Variants in RIC8B observed in about 807,000 individuals in gnomAD.
RIC8B encodes RIC8 guanine nucleotide exchange factor B, also known as chaperone Ric-8B.
In RIC8B, 16 loss-of-function variants were observed where a neutral mutation model predicts 57.5. The ratio of observed to expected loss-of-function variants is 0.28; its 90% CI spans 0.19 to 0.42. The LOEUF is 0.42. Ranked by LOEUF, RIC8B falls within the 10% of genes least tolerant of loss-of-function variation. The pLI is 1.00. For synonymous variants in RIC8B, 216 were observed against 250.8 expected (o/e 0.86, Z 1.31); for missense variants, 481 against 677.0 (o/e 0.71, Z 3.21).
intron 6 of RIC8B, 116 bp from the exon 7 acceptor site, chr12:106,851,334 T>TTG: frequency 4.5e-6 from 2 of 441,738 alleles, no homozygotes; most frequent in Non-Finnish European, 3.7e-6. Flanking sequence ...TTTTTTTTTT[T>TTG]TTGCTCCTAC....
intron 6 of RIC8B, among the ~76,000 whole-genome samples, chr12:106,848,222 A>G (rs1018615242): frequency 6.6e-6 from 1 of 152,228 alleles, no homozygotes; most frequent in African/African-American, 2.4e-5. Flanking sequence ...AAAAGACCTG[A>G]GGCAGGAAAG....
chr12:106,886,035 C>G lies in RIC8B; in HGVS notation c.*20C>G. The G allele has an allele frequency of 4.1e-6, 6 of 1,479,314 alleles. No homozygotes were observed. The highest frequency in any genetic ancestry group is 5.7e-6 in the Non-Finnish European group (6 of 1,058,152). 91.6% of individuals were successfully genotyped at this position (1,479,314 alleles called of 1,614,324 possible). ...GACTAAAAGCATCACCTGCTCAACT[C>G]TCAATATTGCTTTATCAGCATCTTT... is the stretch of plus-strand genomic sequence containing the variant. On this transcript the variant is annotated 3_prime_UTR_variant, in exon 10 of 10. Coordinates refer to ENST00000392837, the MANE Select transcript of RIC8B (RefSeq NM_001330145.2).
chr12:106,799,327 A>G lies in RIC8B; in HGVS notation c.132+15283A>G, dbSNP rs372131056. ...CATCTTTATGATGTAATGTGCATCA[A>G]CCTCCTACTCTATGCCAAGCACTAT... On this transcript the variant is annotated intron_variant, in intron 2 of 9. Coordinates refer to ENST00000392837, the MANE Select transcript of RIC8B (RefSeq NM_001330145.2). Among the ~76,000 whole-genome samples, 35 of 152,142 alleles carry G rather than the reference A, an allele frequency of 2.3e-4. No homozygotes were observed. In the South Asian group the frequency reaches 6.0e-3, roughly 26 times the overall value.
chr12:106,870,290 T>G (rs1185763489), intron 8 of RIC8B, among the ~76,000 whole-genome samples: 1 of 152,198 alleles, frequency 6.6e-6, no homozygotes, highest in African/African-American at 2.4e-5. Flanking sequence ...TTCTTCTGCT[T>G]TATCTTTTAT....
chr12:106,874,942 T>G (rs1950597484), intron 9 of RIC8B, among the ~76,000 whole-genome samples: 3 of 152,164 alleles, frequency 2.0e-5, no homozygotes, highest in African/African-American at 7.2e-5. Context: ...CCATCATGTC[T>G]AGCTAGTACA....
At chr12:106,834,665 A>G (rs11113127) in intron 4 of RIC8B, among the ~76,000 whole-genome samples, 1 of 152,166 alleles carries the variant, frequency 6.6e-6, no homozygotes, top group East Asian at 1.9e-4. Context: ...TTTCTTTTCA[A>G]CTTTTTAGAT....
At chr12:106,835,317 T>G (rs2136381030) in intron 4 of RIC8B, among the ~76,000 whole-genome samples, 1 of 152,330 alleles carries the variant, frequency 6.6e-6, no homozygotes, top group Non-Finnish European at 1.5e-5. Flanking sequence ...TTTAGAGGCC[T>G]TATCATTTGC....
intron 2 of RIC8B, among the ~76,000 whole-genome samples, chr12:106,810,207 A>AT (rs2045274969): frequency 6.9e-6 from 1 of 144,734 alleles, no homozygotes; most frequent in Non-Finnish European, 1.5e-5. Flanking sequence ...TGCTAGGATT[A>AT]TAGGCATGAG....
chr12:106,841,521 A>G (rs144144139), intron 4 of RIC8B, among the ~76,000 whole-genome samples: 2 of 152,282 alleles, frequency 1.3e-5, no homozygotes, highest in South Asian at 2.1e-4. Context: ...AGAAGGAGCT[A>G]CTGGTCTAAA....
At chr12:106,870,468 T>C (rs752090973) in intron 8 of RIC8B, among the ~76,000 whole-genome samples, 18 of 152,290 alleles carry the variant, frequency 1.2e-4, no homozygotes, top group Admixed American at 4.6e-4. Context: ...TCATTTCTTC[T>C]TCCCTGAAAT....
chr12:106,851,315 C>CTTTTTT (rs34606963), intron 6 of RIC8B, 135 bp from the exon 7 acceptor site: 10 of 212,010 alleles, frequency 4.7e-5, no homozygotes, highest in African/African-American at 1.3e-4. Flanking sequence ...GGAAGCTAAC[C>CTTTTTT]TTTTTTTTTT....
chr12:106,842,894 A>G lies in RIC8B; in HGVS notation c.1065+77A>G, dbSNP rs540952288. 1.7e-5 allele frequency: 14 copies of G among 830,206 alleles called. No individual in the cohort carries two copies. The East Asian group carries it at 2.5e-4, about 15-fold the overall frequency. The allele number at this position is 830,206 out of a possible 1,614,324, so 51.4% of individuals were successfully genotyped here. On this transcript the variant is annotated intron_variant, in intron 5 of 9. Transcript: ENST00000392837. ...TGTGCCATACATACAGACACACATC[A>G]CAGAGCATGATTTTTAAATCTAAGC...
intron 9 of RIC8B, among the ~76,000 whole-genome samples, chr12:106,877,268 A>G (rs1339868400): frequency 6.6e-6 from 1 of 152,176 alleles, no homozygotes; most frequent in Non-Finnish European, 1.5e-5. Flanking sequence ...AATGCACCAA[A>G]GATTAAGTAA....
At chr12:106,795,299 T>C (rs2044428904) in intron 2 of RIC8B, among the ~76,000 whole-genome samples, 1 of 152,160 alleles carries the variant, frequency 6.6e-6, no homozygotes, top group African/African-American at 2.4e-5. Context: ...TACCCGTGGT[T>C]CGTCTTCTCA....
intron 8 of RIC8B, among the ~76,000 whole-genome samples, chr12:106,864,079 A>G (rs574804980): frequency 1.6e-4 from 24 of 152,266 alleles, no homozygotes; most frequent in African/African-American, 5.5e-4. Context: ...TGCAAATGTA[A>G]TGTGAAAACC....
At chr12:106,801,251 G>C (rs926662252) in intron 2 of RIC8B, among the ~76,000 whole-genome samples, 1 of 152,140 alleles carries the variant, frequency 6.6e-6, no homozygotes, top group Non-Finnish European at 1.5e-5. Context: ...AACTTTTCTT[G>C]TCAAGAAAGA....
rs2136121622 is a variant in RIC8B at position 106,774,800 on chromosome 12, G to C, written c.55G>C (p.Glu19Gln). 1 of 1,554,354 alleles carries C rather than the reference G, an allele frequency of 6.4e-7. No homozygotes were observed. The change falls in exon 1 of 10, where the codon GAG becomes CAG. Residue 19 changes from glutamate (E) to glutamine (Q), a missense_variant. By Grantham distance (29) the Glu-to-Gln change is conservative. Transcript: ENST00000392837. The stretch of plus-strand genomic sequence containing the variant: ...CCGGGCCGGCGAAGCAGGGGCTATC[G>C]AGCGGGTCCTGAGGGATTACAGCGA... ...IVRAGEAGAI[E>Q]RVLRDYSDKH...
intron 2 of RIC8B, among the ~76,000 whole-genome samples, chr12:106,786,565 A>G (rs2044037511): frequency 1.3e-5 from 2 of 152,210 alleles, no homozygotes; most frequent in Non-Finnish European, 2.9e-5. Flanking sequence ...AAAATTACAG[A>G]TACGTTTTAC....
intron 3 of RIC8B, among the ~76,000 whole-genome samples, chr12:106,818,456 G>T (rs981088389): frequency 1.3e-5 from 2 of 151,704 alleles, no homozygotes; most frequent in Non-Finnish European, 1.5e-5. Flanking sequence ...GAGCCACCGC[G>T]CCCGGCCTCT....
Sources: gnomAD v4.1 joint callset for allele counts (sites outside exome capture counted in the v4.1 genomes callset) on GRCh38, gnomAD v4.1.1 for gene constraint, MANE v1.5 for transcripts, NCBI Gene and HGNC (gene_info 2026-07-23, HGNC 2026-07-21) for gene names.